The following CDH18 variants were observed in gnomAD, a reference collection of about 807,000 sequenced individuals.
CDH18 encodes the protein cadherin-18.
Under a neutral mutation model 67.9 loss-of-function variants are expected in CDH18, and 31 were observed. The observed-to-expected ratio is 0.46, with a 90% CI of 0.34 to 0.62. The LOEUF (loss-of-function observed/expected upper bound fraction) is 0.62, where lower values mean the gene tolerates loss of function less well. CDH18 is among the 20% of genes least tolerant of loss of function. The probability of loss-of-function intolerance (pLI) is 0.01; values close to 1 mark genes in which losing one functional copy is unlikely to be tolerated. For synonymous variants in CDH18, 362 were observed against 347.2 expected, an observed-to-expected ratio of 1.04 and a Z score of -0.48; for missense variants, 890 against 975.5, an observed-to-expected ratio of 0.91 and a Z score of 1.17.
intron 3 of CDH18, among the ~76,000 whole-genome samples, chr5:19,772,637 G>A (rs1773857640): frequency 6.6e-6 from 1 of 152,076 alleles, no homozygotes; most frequent in African/African-American, 2.4e-5. Flanking sequence ...CAGATATCCT[G>A]CTAAAACATT....
At chr5:19,563,954 A>C (rs1739918476) in intron 8 of CDH18, among the ~76,000 whole-genome samples, 1 of 152,154 alleles carries the variant, frequency 6.6e-6, no homozygotes, top group Admixed American at 6.5e-5. Flanking sequence ...TTGCATTGGA[A>C]GTCACTACTT....
intron 2 of CDH18, among the ~76,000 whole-genome samples, chr5:19,923,296 C>T (rs958470095): frequency 2.0e-5 from 3 of 152,074 alleles, no homozygotes; most frequent in Non-Finnish European, 4.4e-5. Flanking sequence ...TACATTTTTT[C>T]CTTATAAGGC....
chr5:19,754,844 T>A (rs1288567157), intron 3 of CDH18, among the ~76,000 whole-genome samples: 1 of 152,046 alleles, frequency 6.6e-6, no homozygotes, highest in Admixed American at 6.6e-5. Context: ...AAACTGGAAA[T>A]CAACTTCAAA....
At chr5:20,032,386 G>A (rs1359460869) in intron 2 of CDH18, among the ~76,000 whole-genome samples, 1 of 151,770 alleles carries the variant, frequency 6.6e-6, no homozygotes, top group Non-Finnish European at 1.5e-5. Context: ...AGATAGTAGA[G>A]ATAAAACTGA....
chr5:19,496,729 T>C (rs1247110976), intron 11 of CDH18, among the ~76,000 whole-genome samples: 1 of 149,888 alleles, frequency 6.7e-6, no homozygotes, highest in African/African-American at 2.5e-5. Flanking sequence ...GGAGAATCGC[T>C]TGAACCTGAG....
chr5:19,647,527 CAAAAAAA>C (rs3062888), intron 5 of CDH18, among the ~76,000 whole-genome samples: 13 of 28,808 alleles, frequency 4.5e-4, no homozygotes, highest in South Asian at 6.0e-3. Context: ...GAGACTCCAT[CAAAAAAA>C]AAAAAAAAAA....
chr5:19,841,920 T>C (rs1204749311), intron 2 of CDH18, among the ~76,000 whole-genome samples: 2 of 152,204 alleles, frequency 1.3e-5, no homozygotes, highest in Non-Finnish European at 2.9e-5. Context: ...TACTGTGCTA[T>C]GGAATAAAAG....
rs189061993 is a variant in CDH18, at chr5:19,545,012, T to G, written c.1254-1007A>C. On this transcript the variant is annotated intron_variant, in intron 8 of 12. Coordinates refer to ENST00000382275, the MANE Select transcript of CDH18 (RefSeq NM_004934.5). ...GACCCCTGAGTTTTGGAGTTATGTG[T>G]TATTTAGCAACAGCTGATTAACATG... is the stretch of plus-strand genomic sequence containing the variant. 8.1e-4 allele frequency among the ~76,000 whole-genome samples: 124 copies of G among 152,214 alleles called. 1 individual carries two copies. The highest frequency in any genetic ancestry group is 7.1e-4 in the Non-Finnish European group (48 of 68,004).
At chr5:20,253,898 C>T (rs1371167485) in intron 2 of CDH18, among the ~76,000 whole-genome samples, 1 of 152,206 alleles carries the variant, frequency 6.6e-6, no homozygotes, top group East Asian at 1.9e-4. Flanking sequence ...TACAGAGAAG[C>T]TCAGCTAGAT....
chr5:19,593,732 C>CTTCTTCT lies in CDH18; in HGVS notation c.812-2495_812-2489dup, dbSNP rs1554055012. Among the ~76,000 whole-genome samples, 20 of 129,138 alleles carry CTTCTTCT rather than the reference C, an allele frequency of 1.5e-4. 1 individual carries two copies. Among genetic ancestry groups the CTTCTTCT allele is most frequent in the African/African-American group, 5.7e-4 (19 of 33,264 alleles). The allele number at this position is 129,138 out of a possible 152,430, so 84.7% of individuals were successfully genotyped here. A position where few individuals can be genotyped will look rare whatever the true frequency, so the allele number is the denominator to read the frequency against. On this transcript the variant is annotated intron_variant, in intron 6 of 12. Coordinates refer to ENST00000382275, the MANE Select transcript of CDH18 (RefSeq NM_004934.5). ...CCTTCTTCTTCTTCTTCTTCTTCTT[C>CTTCTTCT]TTCTTCTTCTTCTTCTTCTTCTTCT...
At chr5:20,541,425 TTAAA>T (rs140116347) in intron 1 of CDH18, among the ~76,000 whole-genome samples, 199 of 152,272 alleles carry the variant, frequency 1.3e-3, no homozygotes, top group African/African-American at 4.5e-3. Flanking sequence ...ATGGTAGTCT[TTAAA>T]TAAATGTATT....
At chr5:19,784,515 T>C (rs1172007509) in intron 3 of CDH18, among the ~76,000 whole-genome samples, 1 of 152,210 alleles carries the variant, frequency 6.6e-6, no homozygotes, top group African/African-American at 2.4e-5. Flanking sequence ...TCCTTTTCTT[T>C]GTTTCAATTT....
intron 2 of CDH18, among the ~76,000 whole-genome samples, chr5:19,995,758 C>T (rs7735911): frequency 0.015 from 2,207 of 152,180 alleles, 61 homozygotes; most frequent in African/African-American, 0.05. Flanking sequence ...CTGTGCTTCC[C>T]TTATAGCAGA....
intron 1 of CDH18, among the ~76,000 whole-genome samples, chr5:20,535,913 C>A (rs368658269): frequency 2.2e-4 from 33 of 152,206 alleles, no homozygotes; most frequent in African/African-American, 4.8e-5. Context: ...CTAATTCAAC[C>A]AGAAGGCTGG....
chr5:19,632,902 T>C (rs370757153), intron 5 of CDH18, among the ~76,000 whole-genome samples: 3 of 152,158 alleles, frequency 2.0e-5, no homozygotes, highest in South Asian at 4.1e-4. Flanking sequence ...CTCTTGTTTG[T>C]ATACTCCAAC....
At chr5:20,024,776 C>G (rs1043263645) in intron 2 of CDH18, among the ~76,000 whole-genome samples, 1 of 152,074 alleles carries the variant, frequency 6.6e-6, no homozygotes, top group African/African-American at 2.4e-5. Flanking sequence ...TAAGTTTTTC[C>G]TGAGAGTTTC....
chr5:19,576,031 C>T (rs1470798883), intron 7 of CDH18, among the ~76,000 whole-genome samples: 5 of 151,956 alleles, frequency 3.3e-5, no homozygotes, highest in African/African-American at 1.2e-4. Flanking sequence ...GCAAAGTACC[C>T]GTAGGGGCAG....
intron 1 of CDH18, among the ~76,000 whole-genome samples, chr5:20,315,489 T>C (rs1737381663): frequency 6.6e-6 from 1 of 152,124 alleles, no homozygotes; most frequent in African/African-American, 2.4e-5. Context: ...AACTCTATGC[T>C]AAATCCTATA....
chr5:20,189,973 T>C (rs1424697512), intron 2 of CDH18, among the ~76,000 whole-genome samples: 1 of 152,018 alleles, frequency 6.6e-6, no homozygotes, highest in Admixed American at 6.6e-5. Flanking sequence ...TGGACAAGGA[T>C]TGAGATGCAG....
Sources: allele counts gnomAD v4.1 joint callset (sites outside exome capture counted in the v4.1 genomes callset), GRCh38; gene constraint gnomAD v4.1.1; transcripts MANE v1.5; gene names NCBI Gene and HGNC (gene_info 2026-07-23, HGNC 2026-07-21).